MICAL3: variants seen among roughly 807,000 people sequenced by gnomAD.
The protein encoded by MICAL3 is [F-actin]-monooxygenase MICAL3.
MICAL3 carries 62 observed loss-of-function variants against 207.4 expected under a neutral mutation model. The ratio of observed to expected loss-of-function variants is 0.30; its 90% CI spans 0.24 to 0.37. The LOEUF (loss-of-function observed/expected upper bound fraction) is 0.37, where lower values mean the gene tolerates loss of function less well. Among genes scored for constraint, MICAL3 ranks in the 10% least tolerant of loss-of-function variants. The pLI is 1.00. For synonymous variants in MICAL3, 1,077 were observed against 1,069.3 expected, an observed-to-expected ratio of 1.01 and a Z score of -0.14; for missense variants, 2,368 against 2,635.6, an observed-to-expected ratio of 0.90 and a Z score of 2.22.
At chr22:17,985,431 C>T (rs1288337502) in intron 1 of MICAL3, among the ~76,000 whole-genome samples, 2 of 151,830 alleles carry the variant, frequency 1.3e-5, no homozygotes, top group Admixed American at 1.3e-4. Flanking sequence ...GATCTGTCTG[C>T]CTTGCCTTGC....
chr22:18,020,378 C>T (rs1924387963), intron 1 of MICAL3, among the ~76,000 whole-genome samples: 1 of 151,230 alleles, frequency 6.6e-6, no homozygotes, highest in Admixed American at 6.6e-5. Context: ...CAAACGAGTG[C>T]ACTTCCATTT....
chr22:17,902,107 T>C lies in MICAL3; in HGVS notation c.590-128A>G. ...CCAAAAACACTATGTGTAGAAGCAG[T>C]GGAGACAGAGGCTGTGCACGGTGGC... is the stretch of plus-strand genomic sequence containing the variant. On this transcript the variant is annotated intron_variant, in intron 4 of 31. Coordinates refer to ENST00000441493, the MANE Select transcript of MICAL3 (RefSeq NM_015241.3). The surrounding 1 kb of genome is among the most constrained non-coding windows in gnomAD (Gnocchi z 4.5). 1 of 658,108 alleles carries C rather than the reference T, an allele frequency of 1.5e-6. No homozygotes were observed. The highest frequency in any genetic ancestry group is 2.6e-6 in the Non-Finnish European group (1 of 377,764). 40.8% of individuals were successfully genotyped at this position (658,108 alleles called of 1,614,324 possible).
Position 17,793,029 on chromosome 22 carries a change from C to T in MICAL3, c.5651-1728G>A, listed in dbSNP as rs1180256739. Among the ~76,000 whole-genome samples the T allele has an allele frequency of 1.3e-5, 2 of 152,090 alleles. No individual in the cohort carries two copies. The highest frequency in any genetic ancestry group is 4.8e-5 in the African/African-American group (2 of 41,420). ...AGGGAGTCTCTCCCGCTGCCCACCT[C>T]CCCACGAAGATACAGAAAATGCCAC... On this transcript the variant is annotated intron_variant, in intron 29 of 31. Transcript: ENST00000441493. This position sits in a 1 kb window ranked among gnomAD's most constrained non-coding sequence, Gnocchi z 4.1.
chr22:17,842,372 C>T (rs909975911), intron 19 of MICAL3: 5 of 243,746 alleles, frequency 2.1e-5, no homozygotes, highest in African/African-American at 8.7e-5. Context: ...CCTGAAGCAG[C>T]CTTGCCTGAG....
intron 1 of MICAL3, among the ~76,000 whole-genome samples, chr22:17,947,086 A>G (rs1029279865): frequency 1.3e-5 from 2 of 152,248 alleles, no homozygotes; most frequent in Admixed American, 6.5e-5. Flanking sequence ...GAAACGCAGC[A>G]CATCAAATAT....
rs760395804 is a variant in MICAL3, at chr22:17,817,776, C to T, written c.4885G>A (p.Ala1629Thr). 59 of 1,596,388 alleles carry T rather than the reference C, an allele frequency of 3.7e-5. No individual in the cohort carries two copies. Among genetic ancestry groups the T allele is most frequent in the Middle Eastern group, 1.7e-4 (1 of 5,942 alleles). ...RMQQMELASG[A>T]PRPRKASSAP... ...GAGGACGCCTTGCGGGGCCTGGGGG[C>T]GCCTGAGGCCAGCTCCATCTGCTGC... is the stretch of plus-strand genomic sequence containing the variant. The change falls in exon 26 of 32, where the codon GCC becomes ACC. Residue 1629 changes from alanine (A) to threonine (T), a missense_variant. Ala to Thr is a moderately conservative substitution (Grantham distance 58, BLOSUM62 0). Transcript: ENST00000441493.
At chr22:17,946,617 C>A (rs1304808255) in intron 1 of MICAL3, among the ~76,000 whole-genome samples, 1 of 152,226 alleles carries the variant, frequency 6.6e-6, no homozygotes, top group Non-Finnish European at 1.5e-5. Flanking sequence ...CATGTGGACA[C>A]ATCCCCAAAG....
intron 19 of MICAL3, among the ~76,000 whole-genome samples, chr22:17,850,356 G>A (rs1342222895): frequency 1.4e-5 from 2 of 146,294 alleles, no homozygotes; most frequent in Admixed American, 6.9e-5. Context: ...GCAGTCCTTT[G>A]CTCTCACTCT....
chr22:17,992,529 T>C (rs532374516), intron 1 of MICAL3, among the ~76,000 whole-genome samples: 5 of 152,284 alleles, frequency 3.3e-5, no homozygotes, highest in Admixed American at 3.3e-4. Flanking sequence ...TCTTACCACG[T>C]GGCACTTACA....
At chr22:17,966,626 T>C (rs986497914) in intron 1 of MICAL3, among the ~76,000 whole-genome samples, 9 of 152,172 alleles carry the variant, frequency 5.9e-5, no homozygotes, top group Non-Finnish European at 1.0e-4. Flanking sequence ...TGCCACACAC[T>C]TGGCTGTCCA....
At position 17,893,921 on chromosome 22, in the gene MICAL3, A is replaced by C. The variant is rs777507272; in HGVS notation, c.1450-17T>G. On this transcript the variant is annotated splice_polypyrimidine_tract_variant and intron_variant, in intron 10 of 31. Coordinates refer to ENST00000441493, the MANE Select transcript of MICAL3 (RefSeq NM_015241.3). ...ATGGCGCACCTGGCAGAAATTTACAAAGTCAAACAGAAAGAAAATCAAATA... is the reference window on the plus strand; with the variant it reads ...ATGGCGCACCTGGCAGAAATTTACACAGTCAAACAGAAAGAAAATCAAATA... 2.6e-6 allele frequency: 4 copies of C among 1,519,312 alleles called. No individual in the cohort carries two copies. In the South Asian group the frequency reaches 4.8e-5, roughly 18 times the overall value. 94.1% of individuals were successfully genotyped at this position (1,519,312 alleles called of 1,614,324 possible).
intron 1 of MICAL3, among the ~76,000 whole-genome samples, chr22:17,955,976 G>A (rs546248291): frequency 6.6e-6 from 1 of 152,182 alleles, no homozygotes; most frequent in Admixed American, 6.6e-5. Flanking sequence ...CAAAATCTTC[G>A]ACCATTAAAC....
In MICAL3 at chr22:17,822,245, C is replaced by T. The variant is rs544305714; in HGVS notation, c.3308-75G>A. On this transcript the variant is annotated intron_variant, in intron 23 of 31. Transcript: ENST00000441493. ...CTCCTTTTCCACCTGAGAGCAGCCG[C>T]GCCACTTGCTCATTTGCAACACAGC... 151 of 1,520,130 alleles carry T rather than the reference C, an allele frequency of 9.9e-5. No homozygotes were observed. In the Admixed American group the frequency reaches 1.3e-3, roughly 13 times the overall value. The allele number at this position is 1,520,130 out of a possible 1,614,324, so 94.2% of individuals were successfully genotyped here.
chr22:17,991,265 G>C (rs1360851729), intron 1 of MICAL3, among the ~76,000 whole-genome samples: 1 of 151,930 alleles, frequency 6.6e-6, no homozygotes, highest in South Asian at 2.1e-4. Flanking sequence ...GTGCTGTAGG[G>C]GGACAAAGAG....
intron 11 of MICAL3, among the ~76,000 whole-genome samples, chr22:17,892,295 T>C (rs1235302888): frequency 6.6e-6 from 1 of 152,208 alleles, no homozygotes; most frequent in African/African-American, 2.4e-5. Context: ...TACAGTTCAT[T>C]GAAACGTCTT....
intron 1 of MICAL3, among the ~76,000 whole-genome samples, chr22:17,939,254 C>A (rs74573432): frequency 0.027 from 4,126 of 152,284 alleles, 174 homozygotes; most frequent in African/African-American, 0.094. Flanking sequence ...GCCTCCATAA[C>A]TGTTAAGAAC....
At position 17,940,474 on chromosome 22, in the gene MICAL3, G is replaced by A. The variant is rs985121603; in HGVS notation, c.-74-33588C>T. On this transcript the variant is annotated intron_variant, in intron 1 of 31. Transcript: ENST00000441493. ...AAGAAAACTGATTCTGATGAAGGCTGTTAAACCCATACATCACAACTTTAT... is the reference window on the plus strand; with the variant it reads ...AAGAAAACTGATTCTGATGAAGGCTATTAAACCCATACATCACAACTTTAT... Among the ~76,000 whole-genome samples the A allele has an allele frequency of 5.3e-5, 8 of 152,244 alleles. No individual in the cohort carries two copies. In the East Asian group the frequency reaches 1.2e-3, roughly 22 times the overall value.
intron 1 of MICAL3, among the ~76,000 whole-genome samples, chr22:17,914,978 C>T (rs935271139): frequency 6.6e-6 from 1 of 152,154 alleles, no homozygotes; most frequent in Admixed American, 6.5e-5. Context: ...GTCAACAGTA[C>T]AGACCAAAAG....
intron 11 of MICAL3, among the ~76,000 whole-genome samples, chr22:17,893,062 A>T (rs1215498992): frequency 6.6e-6 from 1 of 152,228 alleles, no homozygotes; most frequent in Non-Finnish European, 1.5e-5. Context: ...ATCGAAGTTC[A>T]GAGCTATTCA....
Sources: allele counts gnomAD v4.1 joint callset (sites outside exome capture counted in the v4.1 genomes callset), GRCh38; gene constraint gnomAD v4.1.1; non-coding constraint Gnocchi (gnomAD v3.1); transcripts MANE v1.5; gene names NCBI Gene and HGNC (gene_info 2026-07-23, HGNC 2026-07-21).